The following GALNT17 variants were observed in gnomAD, a reference collection of about 807,000 sequenced individuals.
The protein encoded by GALNT17 is UDP-GalNAc:polypeptide N-acetylgalactosaminyltransferase-like 3.
Under a neutral mutation model 63.7 loss-of-function variants are expected in GALNT17, and 29 were observed. The observed-to-expected ratio is 0.46, with a 90% CI of 0.34 to 0.62. GALNT17 has a LOEUF of 0.62. GALNT17 is among the 20% of genes least tolerant of loss of function. GALNT17 has a pLI of 0.01. For synonymous variants in GALNT17, 305 were observed against 318.3 expected (o/e 0.96, Z 0.45); for missense variants, 603 against 799.6 (o/e 0.75, Z 2.97).
intron 5 of GALNT17, among the ~76,000 whole-genome samples, chr7:71,512,105 C>G (rs770126724): frequency 6.7e-6 from 1 of 148,584 alleles, no homozygotes; most frequent in African/African-American, 2.5e-5. Flanking sequence ...CAGGTGTAAG[C>G]GATTCTCCCG....
At chr7:71,710,421 T>A (rs1037010959) in intron 9 of GALNT17, among the ~76,000 whole-genome samples, 1 of 152,090 alleles carries the variant, frequency 6.6e-6, no homozygotes, top group Non-Finnish European at 1.5e-5. Context: ...GGCAAGAGAA[T>A]TGCTTGAACC....
At chr7:71,584,779 A>G (rs1269686546) in intron 6 of GALNT17, among the ~76,000 whole-genome samples, 1 of 151,846 alleles carries the variant, frequency 6.6e-6, no homozygotes, top group African/African-American at 2.4e-5. Context: ...TATTTAATTT[A>G]TTTATTTTGA....
At chr7:71,561,312 T>A (rs1187544302) in intron 5 of GALNT17, among the ~76,000 whole-genome samples, 1 of 152,002 alleles carries the variant, frequency 6.6e-6, no homozygotes. Flanking sequence ...GCACCCAGCC[T>A]GAAATGAGTG....
chr7:71,505,327 A>G (rs529367155), intron 5 of GALNT17, among the ~76,000 whole-genome samples: 17 of 152,012 alleles, frequency 1.1e-4, no homozygotes, highest in African/African-American at 3.4e-4. Context: ...GGCCAGGCAC[A>G]GTGGCTCACA....
At chr7:71,405,417 G>A (rs1368618262) in intron 3 of GALNT17, among the ~76,000 whole-genome samples, 10 of 152,092 alleles carry the variant, frequency 6.6e-5, no homozygotes, top group African/African-American at 2.2e-4. Flanking sequence ...ACTTGAGGCC[G>A]GGAGTTTGAG....
In GALNT17 at chr7:71,467,911, A is replaced by G. The variant is rs374465442; in HGVS notation, c.962+46806A>G. On this transcript the variant is annotated intron_variant, in intron 5 of 10. Coordinates refer to ENST00000333538, the MANE Select transcript of GALNT17 (RefSeq NM_022479.3). The stretch of plus-strand genomic sequence containing the variant: ...TGGCTAGTGTCTCCATAGACTGCCA[A>G]AATTACACGGGCATCCTGGGTGAGA... Among the ~76,000 whole-genome samples the G allele has an allele frequency of 5.4e-4, 83 of 152,308 alleles. 2 individuals carry two copies. Among genetic ancestry groups the G allele is most frequent in the East Asian group, 2.1e-3 (11 of 5,168 alleles).
chr7:71,504,126 G>T (rs1231557735), intron 5 of GALNT17, among the ~76,000 whole-genome samples: 1 of 152,012 alleles, frequency 6.6e-6, no homozygotes, highest in Non-Finnish European at 1.5e-5. Context: ...TACTCGGGAG[G>T]CTGAGGCAGG....
At chr7:71,513,379 T>A in intron 5 of GALNT17, among the ~76,000 whole-genome samples, 1 of 152,060 alleles carries the variant, frequency 6.6e-6, no homozygotes, top group East Asian at 1.9e-4. Flanking sequence ...TTTTTGTTTT[T>A]TTGTTTTTTT....
chr7:71,239,305 A>AC (rs1562939665), intron 1 of GALNT17, among the ~76,000 whole-genome samples: 1 of 92,318 alleles, frequency 1.1e-5, no homozygotes, highest in Non-Finnish European at 2.4e-5. Context: ...ACCCCCCCCC[A>AC]AAAAAAAATA....
chr7:71,310,071 G>C (rs1003400413), intron 1 of GALNT17, among the ~76,000 whole-genome samples: 2 of 152,176 alleles, frequency 1.3e-5, no homozygotes, highest in Non-Finnish European at 2.9e-5. Context: ...ATCTGTGTAA[G>C]ACGTGACTTG....
At chr7:71,673,508 G>A (rs1584127621) in intron 8 of GALNT17, among the ~76,000 whole-genome samples, 1 of 152,178 alleles carries the variant, frequency 6.6e-6, no homozygotes, top group Non-Finnish European at 1.5e-5. Flanking sequence ...AATTACCTTG[G>A]GTAGTAAGTA....
At chr7:71,241,856 C>A (rs994633935) in intron 1 of GALNT17, among the ~76,000 whole-genome samples, 13 of 152,076 alleles carry the variant, frequency 8.5e-5, no homozygotes, top group Non-Finnish European at 1.5e-4. Context: ...GCCCCTGCAC[C>A]CCTGCCTAGG....
At chr7:71,643,460 T>G (rs1013384230) in intron 6 of GALNT17, among the ~76,000 whole-genome samples, 1 of 152,066 alleles carries the variant, frequency 6.6e-6, no homozygotes, top group Non-Finnish European at 1.5e-5. Context: ...AGAGCGAGAC[T>G]CTGTCAAAAA....
chr7:71,141,240 G>A lies in GALNT17; in HGVS notation c.238+8200G>A, dbSNP rs181111572. 1.4e-4 allele frequency among the ~76,000 whole-genome samples: 21 copies of A among 152,108 alleles called. 1 individual carries two copies. In the East Asian group the frequency reaches 3.5e-3, roughly 25 times the overall value. On this transcript the variant is annotated intron_variant, in intron 1 of 10. Transcript: ENST00000333538. Reference sequence around the variant, plus strand: ...AAAATAGCCAGGCATGGTGGCAAGCGCCTGTAATCCCAGCTACTCGGGGGG... The same window carrying A: ...AAAATAGCCAGGCATGGTGGCAAGCACCTGTAATCCCAGCTACTCGGGGGG...
chr7:71,141,816 A>T (rs1787897652), intron 1 of GALNT17, among the ~76,000 whole-genome samples: 1 of 148,182 alleles, frequency 6.7e-6, no homozygotes. Context: ...AGCTGGGATT[A>T]CAGGTATGCG....
chr7:71,634,662 G>A (rs1247094600), intron 6 of GALNT17, among the ~76,000 whole-genome samples: 1 of 151,716 alleles, frequency 6.6e-6, no homozygotes, highest in Non-Finnish European at 1.5e-5. Flanking sequence ...GCTGAGCCAG[G>A]AGAATTGCTT....
chr7:71,641,496 T>C (rs537480567), intron 6 of GALNT17, among the ~76,000 whole-genome samples: 1 of 152,234 alleles, frequency 6.6e-6, no homozygotes, highest in Admixed American at 6.5e-5. Context: ...GCAGATTCTG[T>C]GTCTGGTAAG....
At chr7:71,679,935 C>G (rs1374235003) in intron 9 of GALNT17, among the ~76,000 whole-genome samples, 13 of 4,962 alleles carry the variant, frequency 2.6e-3, no homozygotes, top group African/African-American at 0.015. Context: ...CCTCCTCCCT[C>G]TCTCCCTTCC....
chr7:71,165,681 G>T (rs894539152), intron 1 of GALNT17, among the ~76,000 whole-genome samples: 1 of 152,204 alleles, frequency 6.6e-6, no homozygotes, highest in Non-Finnish European at 1.5e-5. Flanking sequence ...ACCATGTCAA[G>T]ATACATGTTT....
Sources: allele counts gnomAD v4.1 joint callset (sites outside exome capture counted in the v4.1 genomes callset), GRCh38; gene constraint gnomAD v4.1.1; transcripts MANE v1.5; gene names NCBI Gene and HGNC (gene_info 2026-07-23, HGNC 2026-07-21).